DLGAP2: variants seen among roughly 807,000 people sequenced by gnomAD.
DLGAP2 encodes disks large-associated protein 2.
Under a neutral mutation model 100.3 loss-of-function variants are expected in DLGAP2, and 26 were observed. That is an observed-to-expected ratio of 0.26 (90% confidence interval 0.19 to 0.36). The LOEUF is 0.36. Ranked by LOEUF, DLGAP2 falls within the 10% of genes least tolerant of loss-of-function variation. The probability of loss-of-function intolerance (pLI) is 1.00; values close to 1 mark genes in which losing one functional copy is unlikely to be tolerated. For missense variants in DLGAP2, 1,858 were observed against 1,453.2 expected (o/e 1.28, Z -4.53); for synonymous variants, 886 against 630.1 (o/e 1.41, Z -6.08).
Position 1,238,419 on chromosome 8 carries a change from C to T in DLGAP2, c.74-20432C>T, listed in dbSNP as rs550969408. ...CATGGCGCCATGTCTAGTTATCTCA[C>T]ATGGTGCCGTTTCTAGTTCTCTCAC... On this transcript the variant is annotated intron_variant, in intron 2 of 14. Transcript: ENST00000637795. Among the ~76,000 whole-genome samples the T allele has an allele frequency of 5.4e-5, 6 of 110,458 alleles. 2 individuals are homozygous for T. Among genetic ancestry groups the T allele is most frequent in the Non-Finnish European group, 1.2e-4 (6 of 51,428 alleles). 72.5% of individuals were successfully genotyped at this position (110,458 alleles called of 152,430 possible).
At chr8:1,502,133 GC>G (rs1256081334) in intron 4 of DLGAP2, among the ~76,000 whole-genome samples, 1 of 152,170 alleles carries the variant, frequency 6.6e-6, no homozygotes, top group Non-Finnish European at 1.5e-5. Flanking sequence ...CCCATCAGTG[GC>G]TCTGTCTGTG....
At chr8:1,615,362 C>A (rs147390870) in intron 6 of DLGAP2, among the ~76,000 whole-genome samples, 6 of 152,080 alleles carry the variant, frequency 3.9e-5, no homozygotes, top group Non-Finnish European at 1.5e-5. Flanking sequence ...GAGCAGGTGC[C>A]GGGGTCTCTG....
At chr8:968,596 A>T (rs1012401058) in intron 2 of DLGAP2, among the ~76,000 whole-genome samples, 1 of 152,202 alleles carries the variant, frequency 6.6e-6, no homozygotes, top group Non-Finnish European at 1.5e-5. Context: ...AGCCAGCGCC[A>T]TGAGTGCATC....
At chr8:1,428,713 G>C (rs964171988) in intron 3 of DLGAP2, among the ~76,000 whole-genome samples, 3 of 152,206 alleles carry the variant, frequency 2.0e-5, no homozygotes, top group Non-Finnish European at 4.4e-5. Context: ...AGGAATGCAA[G>C]GATGGCTCAG....
intron 2 of DLGAP2, among the ~76,000 whole-genome samples, chr8:1,174,759 C>G (rs1383002799): frequency 2.0e-5 from 3 of 152,172 alleles, no homozygotes; most frequent in Admixed American, 6.5e-5. Flanking sequence ...TCATTACTAT[C>G]ACTATCATCA....
At chr8:870,057 T>C (rs1797568811) in intron 1 of DLGAP2, among the ~76,000 whole-genome samples, 1 of 152,158 alleles carries the variant, frequency 6.6e-6, no homozygotes, top group African/African-American at 2.4e-5. Context: ...CTGGGTCGTC[T>C]TTTCATTTCT....
At chr8:1,115,603 G>A (rs571382617) in intron 2 of DLGAP2, among the ~76,000 whole-genome samples, 1 of 152,264 alleles carries the variant, frequency 6.6e-6, no homozygotes, top group South Asian at 2.1e-4. Flanking sequence ...TACAGTGGTG[G>A]CATCTTTAGG....
intron 2 of DLGAP2, among the ~76,000 whole-genome samples, chr8:1,045,715 A>G (rs979056221): frequency 6.6e-6 from 1 of 152,074 alleles, no homozygotes; most frequent in Non-Finnish European, 1.5e-5. Flanking sequence ...GTCCTTTTTT[A>G]GGGACAGGTG....
chr8:967,746 T>G (rs1417962461), intron 2 of DLGAP2, among the ~76,000 whole-genome samples: 1 of 112,990 alleles, frequency 8.9e-6, no homozygotes, highest in Non-Finnish European at 1.8e-5. Flanking sequence ...ATCCCAAAAG[T>G]GGTGTTCAAC....
At chr8:803,847 G>A (rs182874790) in intron 1 of DLGAP2, among the ~76,000 whole-genome samples, 72 of 152,300 alleles carry the variant, frequency 4.7e-4, no homozygotes, top group Middle Eastern at 6.8e-3. Flanking sequence ...CTATTGATTA[G>A]ACATTAACAT....
At chr8:959,503 G>C (rs767610780) in intron 2 of DLGAP2, among the ~76,000 whole-genome samples, 20 of 152,216 alleles carry the variant, frequency 1.3e-4, no homozygotes, top group Non-Finnish European at 2.9e-5. Context: ...AGATGGTGCT[G>C]TCTTCTGTGT....
chr8:1,650,489 A>G (rs1798137581), intron 8 of DLGAP2, among the ~76,000 whole-genome samples: 1 of 152,264 alleles, frequency 6.6e-6, no homozygotes, highest in African/African-American at 2.4e-5. Flanking sequence ...TGTGTGTGCG[A>G]TAAAACGGAG....
intron 2 of DLGAP2, among the ~76,000 whole-genome samples, chr8:969,758 G>A (rs1584934124): frequency 6.6e-6 from 1 of 152,136 alleles, no homozygotes; most frequent in Non-Finnish European, 1.5e-5. Flanking sequence ...GAGCCTGGTG[G>A]GAGAATTTAC....
At chr8:1,553,802 G>A (rs889914529) in intron 5 of DLGAP2, among the ~76,000 whole-genome samples, 26 of 152,202 alleles carry the variant, frequency 1.7e-4, no homozygotes, top group Non-Finnish European at 3.1e-4. Flanking sequence ...TTTGTAGGCC[G>A]TGCAGATCCC....
chr8:820,536 A>G (rs1213740463), intron 1 of DLGAP2, among the ~76,000 whole-genome samples: 1 of 152,244 alleles, frequency 6.6e-6, no homozygotes, highest in Non-Finnish European at 1.5e-5. Flanking sequence ...GTTTACACAG[A>G]AATTTGTTTG....
chr8:1,251,968 C>T (rs115410382), intron 2 of DLGAP2, among the ~76,000 whole-genome samples: 2,013 of 152,256 alleles, frequency 0.013, 44 homozygotes, highest in African/African-American at 0.046. Context: ...ACAGTCATGT[C>T]ATGTCACACT....
At chr8:1,494,805 A>G (rs893509691) in intron 3 of DLGAP2, among the ~76,000 whole-genome samples, 4 of 152,156 alleles carry the variant, frequency 2.6e-5, no homozygotes, top group Non-Finnish European at 5.9e-5. Flanking sequence ...ACCACACCAC[A>G]GAGCACACAG....
intron 2 of DLGAP2, among the ~76,000 whole-genome samples, chr8:981,141 T>G (rs974192320): frequency 6.6e-6 from 1 of 152,120 alleles, no homozygotes; most frequent in Admixed American, 6.5e-5. Context: ...TCCCCTATGC[T>G]AGATATTTCA....
At chr8:1,575,104 A>G (rs1422589966) in intron 6 of DLGAP2, among the ~76,000 whole-genome samples, 1 of 152,182 alleles carries the variant, frequency 6.6e-6, no homozygotes, top group African/African-American at 2.4e-5. Context: ...ATCATCACAG[A>G]CGACAGAGTT....
Sources: allele counts gnomAD v4.1 joint callset (sites outside exome capture counted in the v4.1 genomes callset), GRCh38; gene constraint gnomAD v4.1.1; transcripts MANE v1.5; gene names NCBI Gene and HGNC (gene_info 2026-07-23, HGNC 2026-07-21).